PLGRKT: variants seen among roughly 807,000 people sequenced by gnomAD.
The protein encoded by PLGRKT is plasminogen receptor (KT).
In PLGRKT, 22 loss-of-function variants were observed where a neutral mutation model predicts 18.5. The observed-to-expected ratio is 1.19, with a 90% CI of 0.85 to 1.70. The LOEUF (loss-of-function observed/expected upper bound fraction) is 1.70. Among genes scored for constraint, PLGRKT ranks in the 40% most tolerant of loss-of-function variants. PLGRKT has a pLI of 0.00. For synonymous variants in PLGRKT, 72 were observed against 52.8 expected (o/e 1.36, Z -1.58); for missense variants, 235 against 174.4 (o/e 1.35, Z -1.96).
At chr9:5,412,832 A>C (rs1303042887) in intron 3 of PLGRKT, among the ~76,000 whole-genome samples, 2 of 152,194 alleles carry the variant, frequency 1.3e-5, no homozygotes, top group Non-Finnish European at 2.9e-5. Context: ...ACAAGTGACA[A>C]TCTGAGATAA....
intron 3 of PLGRKT, among the ~76,000 whole-genome samples, chr9:5,427,295 T>C (rs953254555): frequency 6.6e-6 from 1 of 152,128 alleles, no homozygotes; most frequent in Non-Finnish European, 1.5e-5. Flanking sequence ...GGTGTGCAGG[T>C]AACCCTTGTT....
intron 3 of PLGRKT, among the ~76,000 whole-genome samples, chr9:5,374,721 G>A (rs1280895336): frequency 1.3e-5 from 2 of 152,058 alleles, no homozygotes; most frequent in African/African-American, 4.8e-5. Context: ...TCTCATTTAA[G>A]CCTGATTTTA....
At chr9:5,425,100 C>T (rs1282225893) in intron 3 of PLGRKT, among the ~76,000 whole-genome samples, 1 of 152,166 alleles carries the variant, frequency 6.6e-6, no homozygotes, top group Non-Finnish European at 1.5e-5. Flanking sequence ...CTAATCTTTA[C>T]ATTGACCAAA....
chr9:5,424,699 G>C (rs1178692214), intron 3 of PLGRKT, among the ~76,000 whole-genome samples: 6 of 61,838 alleles, frequency 9.7e-5, no homozygotes, highest in East Asian at 3.6e-4. Flanking sequence ...TATACACACA[G>C]GGGGGGGAGA....
chr9:5,424,480 AATATAAT>A (rs1416025755), intron 3 of PLGRKT, among the ~76,000 whole-genome samples: 2 of 126,922 alleles, frequency 1.6e-5, no homozygotes, highest in Middle Eastern at 3.7e-3. Context: ...CATATTATAA[AATATAAT>A]ATATATTATT....
intron 3 of PLGRKT, among the ~76,000 whole-genome samples, chr9:5,368,420 T>C (rs1289286773): frequency 1.3e-5 from 2 of 152,290 alleles, no homozygotes; most frequent in African/African-American, 2.4e-5. Context: ...AATTAAATCA[T>C]ATCCTTTGCA....
At chr9:5,401,728 G>C (rs532057652) in intron 3 of PLGRKT, among the ~76,000 whole-genome samples, 12 of 151,916 alleles carry the variant, frequency 7.9e-5, no homozygotes, top group Non-Finnish European at 1.6e-4. Context: ...CTTAATTTAT[G>C]TTCCAGGTGA....
chr9:5,405,944 C>A (rs560335123), intron 3 of PLGRKT, among the ~76,000 whole-genome samples: 3 of 152,096 alleles, frequency 2.0e-5, no homozygotes, highest in South Asian at 4.2e-4. Context: ...AAAAAGTGGG[C>A]AAAGGATATG....
At chr9:5,430,998 C>T (rs1057483355) in intron 3 of PLGRKT, among the ~76,000 whole-genome samples, 1 of 152,220 alleles carries the variant, frequency 6.6e-6, no homozygotes, top group Non-Finnish European at 1.5e-5. Context: ...ACAAATTATA[C>T]GAAGTCTGTG....
At chr9:5,387,667 TGC>T (rs1817870100) in intron 3 of PLGRKT, among the ~76,000 whole-genome samples, 1 of 129,148 alleles carries the variant, frequency 7.7e-6, no homozygotes. Flanking sequence ...GGAAGCCTCC[TGC>T]GGGGGGGCTG....
rs1818490938 is a variant in PLGRKT, at chr9:5,417,696, T to C, written c.81+14201A>G. Among the ~76,000 whole-genome samples the C allele has an allele frequency of 3.3e-5, 5 of 151,606 alleles. No individual in the cohort carries two copies. In the South Asian group the frequency reaches 1.0e-3, roughly 32 times the overall value. ...ATGATGTCTCGGTTTATTGCTCCCC[T>C]ATTGGGCTTTCAGTTTAATAAACAC... On this transcript the variant is annotated intron_variant, in intron 3 of 5. Transcript: ENST00000223864.
Position 5,369,706 on chromosome 9 carries a change from G to C in PLGRKT, c.82-7818C>G, listed in dbSNP as rs373829856. Reference sequence around the variant, plus strand: ...CCAACCCAAATGCCCATCAATGATAGACTGGCTAAAGAAAATGTGGCACAT... The same window carrying C: ...CCAACCCAAATGCCCATCAATGATACACTGGCTAAAGAAAATGTGGCACAT... On this transcript the variant is annotated intron_variant, in intron 3 of 5. Coordinates refer to ENST00000223864, the MANE Select transcript of PLGRKT (RefSeq NM_018465.4). Among the ~76,000 whole-genome samples, 13 of 152,274 alleles carry C rather than the reference G, an allele frequency of 8.5e-5. No individual in the cohort carries two copies. In the East Asian group the frequency reaches 1.2e-3, roughly 14 times the overall value.
At chr9:5,386,888 C>A (rs1222375026) in intron 3 of PLGRKT, among the ~76,000 whole-genome samples, 1 of 151,882 alleles carries the variant, frequency 6.6e-6, no homozygotes, top group Non-Finnish European at 1.5e-5. Context: ...CAGGTCTTGC[C>A]CAGACAACCC....
chr9:5,367,706 A>G (rs551971149), intron 3 of PLGRKT, among the ~76,000 whole-genome samples: 1 of 152,328 alleles, frequency 6.6e-6, no homozygotes, highest in South Asian at 2.1e-4. Flanking sequence ...TAGGTCCTCA[A>G]AAGCAATGAC....
chr9:5,395,793 T>C (rs536403685), intron 3 of PLGRKT, among the ~76,000 whole-genome samples: 1 of 146,060 alleles, frequency 6.8e-6, no homozygotes, highest in African/African-American at 2.7e-5. Flanking sequence ...TTCCAAGGCA[T>C]TTTCATGGAA....
In PLGRKT at chr9:5,358,820, G is replaced by A. The variant is rs145015991; in HGVS notation, c.323-460C>T. Among the ~76,000 whole-genome samples, 535 of 152,178 alleles carry A rather than the reference G, an allele frequency of 3.5e-3. 3 individuals carry two copies. Among genetic ancestry groups the A allele is most frequent in the Middle Eastern group, 0.014 (4 of 294 alleles). ...GTAAACACTTAAAATAATATTAAAT[G>A]TTCTTCAGTCTGTATACATACAAAT... is the stretch of plus-strand genomic sequence containing the variant. On this transcript the variant is annotated intron_variant, in intron 5 of 5. Transcript: ENST00000223864.
intron 3 of PLGRKT, among the ~76,000 whole-genome samples, chr9:5,365,881 A>G (rs1028469080): frequency 1.3e-5 from 2 of 152,168 alleles, no homozygotes; most frequent in East Asian, 3.8e-4. Flanking sequence ...CGGTTCCCTT[A>G]CTGTTAAGAA....
chr9:5,413,431 G>A (rs1051217544), intron 3 of PLGRKT, among the ~76,000 whole-genome samples: 4 of 152,080 alleles, frequency 2.6e-5, no homozygotes, highest in African/African-American at 9.7e-5. Flanking sequence ...AGGATTTTAA[G>A]ATAGGAAAAG....
chr9:5,398,844 G>C (rs1351447434), intron 3 of PLGRKT, among the ~76,000 whole-genome samples: 2 of 151,844 alleles, frequency 1.3e-5, no homozygotes, highest in Non-Finnish European at 2.9e-5. Flanking sequence ...ATGCCACTTT[G>C]ATGTATTATT....
Sources: allele counts gnomAD v4.1 joint callset (sites outside exome capture counted in the v4.1 genomes callset), GRCh38; gene constraint gnomAD v4.1.1; transcripts MANE v1.5; gene names NCBI Gene and HGNC (gene_info 2026-07-23, HGNC 2026-07-21).